SMARCC1: variants seen among roughly 807,000 people sequenced by gnomAD.
The protein encoded by SMARCC1 is SWI/SNF related BAF chromatin remodeling complex subunit C1.
In SMARCC1, 43 loss-of-function variants were observed where a neutral mutation model predicts 147.4. The ratio of observed to expected loss-of-function variants is 0.29; its 90% confidence interval spans 0.23 to 0.38. SMARCC1 has a LOEUF of 0.38. Ranked by LOEUF, SMARCC1 falls within the 10% of genes least tolerant of loss-of-function variation. SMARCC1 has a pLI of 1.00. For synonymous variants in SMARCC1, 495 were observed against 484.4 expected, an observed-to-expected ratio of 1.02 and a Z score of -0.29; for missense variants, 1,119 against 1,381.1, an observed-to-expected ratio of 0.81 and a Z score of 3.01.
At chr3:47,642,459 G>A (rs1257911299) in intron 21 of SMARCC1, among the ~76,000 whole-genome samples, 2 of 152,006 alleles carry the variant, frequency 1.3e-5, no homozygotes, top group South Asian at 2.1e-4. Context: ...ATGTGGTGGC[G>A]CATGCTAGTA....
chr3:47,781,601 A>G lies in SMARCC1; in HGVS notation c.195+2T>C. The G allele has an allele frequency of 6.6e-7, 1 of 1,520,266 alleles. No homozygotes were observed. Among genetic ancestry groups the G allele is most frequent in the Non-Finnish European group, 8.8e-7 (1 of 1,138,180 alleles). 94.2% of individuals were successfully genotyped at this position (1,520,266 alleles called of 1,614,324 possible). A position where few individuals can be genotyped will look rare whatever the true frequency, so the allele number is the denominator to read the frequency against. ...CCGGCCCCCACGGGCGCGCGAACCC[A>G]CCTTCTTGTAGTGCTTGCCCAGCCA... is the stretch of plus-strand genomic sequence containing the variant. On this transcript the variant is annotated splice_donor_variant, in intron 1 of 27. Coordinates refer to ENST00000254480, the MANE Select transcript of SMARCC1 (RefSeq NM_003074.4). LOFTEE classifies it high-confidence loss of function.
intron 6 of SMARCC1, among the ~76,000 whole-genome samples, chr3:47,721,007 C>T (rs1237530155): frequency 1.3e-5 from 2 of 152,232 alleles, no homozygotes; most frequent in East Asian, 3.9e-4. Context: ...AAAATACTCC[C>T]ATCCCATTCA....
chr3:47,686,092 G>T lies in SMARCC1; in HGVS notation c.1342C>A (p.His448Asn). Residue 448 changes from histidine (H) to asparagine (N), a missense_variant, in exon 14 of 28, where the codon CAC becomes AAC. His to Asn is a moderately conservative substitution (Grantham distance 68, BLOSUM62 1). This residue lies in a region of SMARCC1 where 542 missense variants were observed against 611.8 expected (regional missense o/e 0.89). Coordinates refer to ENST00000254480, the MANE Select transcript of SMARCC1 (RefSeq NM_003074.4). ...GATGCATAACTAGGAATAATAATGT[G>T]ATTGGTCTGCTCTGTCACATTATCT... ...GEDNVTEQTN[H>N]IIIPSYASWF... 1 of 1,612,324 alleles carries T rather than the reference G, an allele frequency of 6.2e-7. No individual in the cohort carries two copies. The highest frequency in any genetic ancestry group is 1.1e-5 in the South Asian group (1 of 91,036).
chr3:47,772,764 A>T, intron 2 of SMARCC1, 53 bp downstream of exon 2: 2 of 1,511,162 alleles, frequency 1.3e-6, no homozygotes, highest in Non-Finnish European at 1.8e-6. Flanking sequence ...TGCTACACCT[A>T]AAAGTATACA....
At chr3:47,619,929 GC>G (rs1189026267) in intron 25 of SMARCC1, among the ~76,000 whole-genome samples, 1 of 152,214 alleles carries the variant, frequency 6.6e-6, no homozygotes, top group African/African-American at 2.4e-5. Context: ...CAGAGGACTT[GC>G]TTGGACTGGC....
chr3:47,614,796 C>G (rs551631317), intron 25 of SMARCC1, among the ~76,000 whole-genome samples: 1 of 152,314 alleles, frequency 6.6e-6, no homozygotes, highest in Admixed American at 6.5e-5. Context: ...TAAGGAAGAT[C>G]ACTTCAGTCC....
At chr3:47,601,017 G>GAGAGAGAA (rs1369882514) in intron 26 of SMARCC1, among the ~76,000 whole-genome samples, 2 of 84,840 alleles carry the variant, frequency 2.4e-5, no homozygotes, top group African/African-American at 6.6e-5. Flanking sequence ...GAGAGAGAGA[G>GAGAGAGAA]AGAGAGAGAG....
chr3:47,735,484 T>C (rs543795367), intron 5 of SMARCC1, among the ~76,000 whole-genome samples: 96 of 152,108 alleles, frequency 6.3e-4, no homozygotes, highest in African/African-American at 2.0e-3. Flanking sequence ...TGAGAAACCA[T>C]TGTGGCCGGG....
chr3:47,608,424 A>T (rs1384263057), intron 26 of SMARCC1, among the ~76,000 whole-genome samples: 1 of 152,200 alleles, frequency 6.6e-6, no homozygotes, highest in Non-Finnish European at 1.5e-5. Flanking sequence ...TGAACGCTCA[A>T]TTCTAAAACA....
intron 26 of SMARCC1, among the ~76,000 whole-genome samples, chr3:47,600,789 T>C (rs1003352109): frequency 6.6e-6 from 1 of 152,182 alleles, no homozygotes; most frequent in African/African-American, 2.4e-5. Context: ...TTATGGGTTT[T>C]TGTGGTGTCT....
chr3:47,748,936 G>C (rs1372129157), intron 2 of SMARCC1, among the ~76,000 whole-genome samples: 1 of 152,174 alleles, frequency 6.6e-6, no homozygotes, highest in African/African-American at 2.4e-5. Flanking sequence ...TTGGGAGGCT[G>C]AGGCAGGAGG....
At chr3:47,680,544 CTTTTTTTTT>C (rs34432748) in intron 14 of SMARCC1, 36 bp from the exon 15 acceptor site, 61 of 364,390 alleles carry the variant, frequency 1.7e-4, no homozygotes, top group East Asian at 3.0e-4. Context: ...TAGGAGTGTT[CTTTTTTTTT>C]TTTTTTTTTT....
Position 47,622,252 on chromosome 3 carries a change from T to C in SMARCC1, c.2736A>G (p.Arg912=), listed in dbSNP as rs763516708. The C allele has an allele frequency of 1.2e-6, 2 of 1,604,176 alleles. No individual in the cohort carries two copies. The highest frequency in any genetic ancestry group is 1.1e-5 in the South Asian group (1 of 88,106). ...TQMKKLEIKL[R]HFEELETIMD... ...TGATAGTTTCCAGCTCTTCAAAATG[T>C]CGAAGTTTGATCTCTAGTTTCTTCA... The change falls in exon 25 of 28, where the codon CGA becomes CGG. Residue 912 remains arginine, a synonymous_variant. Coordinates refer to ENST00000254480, the MANE Select transcript of SMARCC1 (RefSeq NM_003074.4).
rs1461382826 is a variant in SMARCC1, at chr3:47,778,202, ACAAAAAAC to A, written c.195+3393_195+3400del. On this transcript the variant is annotated intron_variant, in intron 1 of 27. Coordinates refer to ENST00000254480, the MANE Select transcript of SMARCC1 (RefSeq NM_003074.4). ...CGAGACTCCATCTCAAAAAAAAAAA[ACAAAAAAC>A]AAAAAACAAAAAAAACACTGACTCC... 1.8e-4 allele frequency among the ~76,000 whole-genome samples: 24 copies of A among 134,832 alleles called. 3 individuals are homozygous for A. Among genetic ancestry groups the A allele is most frequent in the African/African-American group, 7.5e-4 (24 of 32,024 alleles). The allele number at this position is 134,832 out of a possible 152,430, so 88.5% of individuals were successfully genotyped here. A position where few individuals can be genotyped will look rare whatever the true frequency, so the allele number is the denominator to read the frequency against.
In SMARCC1 at chr3:47,587,494, G is replaced by C. The variant is rs2032090773; in HGVS notation, c.*715C>G. The C allele has an allele frequency of 6.6e-6, 1 of 152,500 alleles. No homozygotes were observed. The highest frequency in any genetic ancestry group is 1.9e-4 in the East Asian group (1 of 5,200). 9.4% of individuals were successfully genotyped at this position (152,500 alleles called of 1,614,324 possible). On this transcript the variant is annotated 3_prime_UTR_variant, in exon 28 of 28. Transcript: ENST00000254480. ...AGGCCTAGGGAAGGAGCGGATGTTT[G>C]TGCCCTCCTCTAGCACATACTAGTT...
intron 22 of SMARCC1, 43 bp downstream of exon 22, chr3:47,638,682 T>C (rs1488907798): frequency 6.8e-7 from 1 of 1,469,760 alleles, no homozygotes; most frequent in Non-Finnish European, 9.5e-7. Flanking sequence ...CATTATGGTC[T>C]GAAAGGCATG....
chr3:47,727,926 C>G (rs967449193), intron 6 of SMARCC1, among the ~76,000 whole-genome samples: 3 of 151,898 alleles, frequency 2.0e-5, no homozygotes, highest in African/African-American at 7.3e-5. Context: ...CTATGTTGCC[C>G]AGGTTGGAGT....
At chr3:47,601,087 T>C (rs963140473) in intron 26 of SMARCC1, among the ~76,000 whole-genome samples, 1 of 137,120 alleles carries the variant, frequency 7.3e-6, no homozygotes, top group Admixed American at 7.5e-5. Flanking sequence ...CTTAGAATGG[T>C]GGGAGTCTGA....
At chr3:47,591,852 A>G (rs2032189396) in intron 26 of SMARCC1, among the ~76,000 whole-genome samples, 1 of 152,128 alleles carries the variant, frequency 6.6e-6, no homozygotes, top group African/African-American at 2.4e-5. Context: ...TTGTTTTCTA[A>G]TTAGTGACAG....
Sources: gnomAD v4.1 joint callset for allele counts (sites outside exome capture counted in the v4.1 genomes callset) on GRCh38, gnomAD v4.1.1 for gene constraint, gnomAD v4.1.1 regional missense constraint, MANE v1.5 for transcripts, NCBI Gene and HGNC (gene_info 2026-07-23, HGNC 2026-07-21) for gene names.